Variants in RABEP2 observed in about 807,000 individuals in gnomAD.
The protein encoded by RABEP2 is rabaptin, RAB GTPase binding effector protein 2, also known as rab GTPase-binding effector protein 2.
In RABEP2, 57 loss-of-function variants were observed where a neutral mutation model predicts 74.1. The ratio of observed to expected loss-of-function variants is 0.77; its 90% CI spans 0.62 to 0.96. The LOEUF is 0.96. Ranked by LOEUF, RABEP2 falls within the 40% of genes least tolerant of loss-of-function variation. RABEP2 has a pLI of 0.00. For missense variants in RABEP2, 692 were observed against 756.3 expected (o/e 0.91, Z 1.00); for synonymous variants, 351 against 344.0 (o/e 1.02, Z -0.23).
chr16:28,925,044 G>T, intron 1 of RABEP2, 59 bp downstream of exon 1: 1 of 1,510,992 alleles, frequency 6.6e-7, no homozygotes. Context: ...GCAGGTGGCT[G>T]GCTCGGCCCC....
chr16:28,924,560 C>G lies in RABEP2; in HGVS notation c.117G>C (p.Glu39Asp), dbSNP rs373832002. ...EGANGEAESG[E>D]LSRLRAELAG... ...CCAGCTCAGCCCGAAGCCGGCTGAGCTCACCTGACTCGGCCTCACCATTTG... is the reference window on the plus strand; with the variant it reads ...CCAGCTCAGCCCGAAGCCGGCTGAGGTCACCTGACTCGGCCTCACCATTTG... The change falls in exon 2 of 13, where the codon GAG (glutamate) becomes GAC (aspartate). Residue 39 changes from glutamate to aspartate, a missense_variant. Glu to Asp is a conservative substitution (Grantham distance 45, BLOSUM62 2). Coordinates refer to ENST00000358201, the MANE Select transcript of RABEP2 (RefSeq NM_024816.3). 8.1e-6 allele frequency: 13 copies of G among 1,613,670 alleles called. 1 individual carries two copies. The East Asian group carries it at 1.1e-4, about 14-fold the overall frequency.
At chr16:28,909,014 T>TACAC (rs1964274619) in intron 7 of RABEP2, among the ~76,000 whole-genome samples, 1 of 151,166 alleles carries the variant, frequency 6.6e-6, no homozygotes, top group African/African-American at 2.4e-5. Context: ...TATATATATA[T>TACAC]ATATATATAC....
intron 2 of RABEP2, among the ~76,000 whole-genome samples, chr16:28,923,720 T>G (rs1174032779): frequency 6.6e-6 from 1 of 152,178 alleles, no homozygotes; most frequent in Admixed American, 6.6e-5. Context: ...AAGTTTACTC[T>G]GGAAGCCAAT....
At chr16:28,916,490 G>A (rs886306390) in intron 3 of RABEP2, among the ~76,000 whole-genome samples, 7 of 151,330 alleles carry the variant, frequency 4.6e-5, no homozygotes, top group South Asian at 2.1e-4. Context: ...TGGCCAACAC[G>A]GCAAAACCCT....
intron 7 of RABEP2, among the ~76,000 whole-genome samples, chr16:28,909,162 C>T (rs912264960): frequency 6.6e-6 from 1 of 151,870 alleles, no homozygotes; most frequent in African/African-American, 2.4e-5. Flanking sequence ...CTGCAACCTC[C>T]GCCTCCCGGG....
chr16:28,906,082 C>T lies in RABEP2; in HGVS notation c.1360G>A (p.Glu454Lys). 1 of 1,597,336 alleles carries T rather than the reference C, an allele frequency of 6.3e-7. No homozygotes were observed. The highest frequency in any genetic ancestry group is 8.5e-7 in the Non-Finnish European group (1 of 1,172,744). Reference protein sequence around the residue: ...IEIVTLREALEEETVARASLE... With the variant: ...IEIVTLREALKEETVARASLE... ...CTGGCCCTGGCCACTGTCTCCTCCT[C>T]CAGAGCCTCCCGCAGCGTCACGATC... Residue 454 changes from glutamate to lysine, a missense_variant, in exon 9 of 13, where the codon GAG (glutamate) becomes AAG (lysine). Physicochemically the swap from Glu to Lys is moderately conservative, Grantham distance 56. Coordinates refer to ENST00000358201, the MANE Select transcript of RABEP2 (RefSeq NM_024816.3).
In RABEP2 at chr16:28,905,025, C is replaced by T. The variant is rs527458355; in HGVS notation, c.1628G>A (p.Arg543His). Reference sequence around the variant, plus strand: ...CACTTGCTCCAGGGTCTCAGCCTGGCGGATCCGCTCTAGGCGCACCTGCCG... The same window carrying T: ...CACTTGCTCCAGGGTCTCAGCCTGGTGGATCCGCTCTAGGCGCACCTGCCG... ...QALQVRLERI[R>H]QAETLEQVRS... Residue 543 changes from arginine to histidine, a missense_variant, in exon 13 of 13, where the codon CGC becomes CAC. Arg to His is a conservative substitution (Grantham distance 29). Coordinates refer to ENST00000358201, the MANE Select transcript of RABEP2 (RefSeq NM_024816.3). The T allele has an allele frequency of 2.9e-5, 47 of 1,608,446 alleles. No individual in the cohort carries two copies. In the African/African-American group the frequency reaches 4.5e-4, roughly 16 times the overall value.
intron 2 of RABEP2, 87 bp from the exon 3 acceptor site, chr16:28,920,030 ACT>A (rs1964449631): frequency 3.4e-5 from 46 of 1,373,114 alleles, no homozygotes; most frequent in Non-Finnish European, 4.3e-5. Flanking sequence ...TGATGCACTG[ACT>A]CTTTCTGTGA....
chr16:28,905,350 AC>A (rs1462612297), intron 12 of RABEP2, 46 bp downstream of exon 12: 6 of 1,396,356 alleles, frequency 4.3e-6, no homozygotes, highest in Middle Eastern at 3.6e-4. Flanking sequence ...AGGAGAGGTC[AC>A]CCGGAGTGGA....
intron 1 of RABEP2, chr16:28,924,898 A>G (rs1964513642): frequency 1.3e-6 from 1 of 782,580 alleles, no homozygotes; most frequent in Non-Finnish European, 2.2e-6. Flanking sequence ...ACCGGGCCCC[A>G]CTTCGCACCT....
Position 28,906,047 on chromosome 16 carries a change from CCCCTCCAGGCTGG to C in RABEP2, c.1382_1394del (p.Ala461GlyfsTer3). On this transcript the variant is annotated frameshift_variant, in exon 9 of 13. Transcript: ENST00000358201. LOFTEE classifies it high-confidence loss of function. ...TCTCCTCCCGCTGCACCCTCAGCTG[CCCCTCCAGGCTGG>C]CCCTGGCCACTGTCTCCTCCTCCAG... 1 of 1,603,482 alleles carries C rather than the reference CCCCTCCAGGCTGG, an allele frequency of 6.2e-7. No homozygotes were observed. Among genetic ancestry groups the C allele is most frequent in the Non-Finnish European group, 8.5e-7 (1 of 1,175,790 alleles).
At chr16:28,924,249 A>T in intron 2 of RABEP2, 154 bp downstream of exon 2, 1 of 692,234 alleles carries the variant, frequency 1.4e-6, no homozygotes, top group Non-Finnish European at 2.4e-6. Context: ...TGCAAATTTT[A>T]AAAGGGCGGC....
intron 5 of RABEP2, among the ~76,000 whole-genome samples, chr16:28,912,981 T>C (rs2152220465): frequency 6.6e-6 from 1 of 151,590 alleles, no homozygotes; most frequent in South Asian, 2.1e-4. Context: ...TGAGACACAG[T>C]TTCTCTCTGC....
At position 28,906,074 on chromosome 16, in the gene RABEP2, C is replaced by T. The variant is rs1459758074; in HGVS notation, c.1368G>A (p.Glu456=). The T allele has an allele frequency of 1.3e-6, 2 of 1,599,092 alleles. No individual in the cohort carries two copies. The highest frequency in any genetic ancestry group is 3.5e-5 in the Admixed American group (2 of 57,712). The change falls in exon 9 of 13, where the codon GAG becomes GAA. Residue 456 remains glutamate, a synonymous_variant. Coordinates refer to ENST00000358201, the MANE Select transcript of RABEP2 (RefSeq NM_024816.3). ...IVTLREALEE[E]TVARASLEGQ... ...CCTCCAGGCTGGCCCTGGCCACTGT[C>T]TCCTCCTCCAGAGCCTCCCGCAGCG...
chr16:28,911,148 A>G lies in RABEP2; in HGVS notation c.926T>C (p.Val309Ala). The change falls in exon 6 of 13, where the codon GTC (valine) becomes GCC (alanine). Residue 309 changes from valine to alanine, a missense_variant. By Grantham distance (64) the Val-to-Ala change is moderately conservative. Transcript: ENST00000358201. Reference sequence around the variant, plus strand: ...TTGGAGCTCGTCCCGCTCGCGACTGACGCTCTCCAGGTCCTTCTGCAGCTG... The same window carrying G: ...TTGGAGCTCGTCCCGCTCGCGACTGGCGCTCTCCAGGTCCTTCTGCAGCTG... ...GRQLQKDLES[V>A]SRERDELQEG... 2 of 1,612,090 alleles carry G rather than the reference A, an allele frequency of 1.2e-6. No individual in the cohort carries two copies. The highest frequency in any genetic ancestry group is 1.7e-6 in the Non-Finnish European group (2 of 1,179,990).
At chr16:28,922,848 T>C (rs1825924419) in intron 2 of RABEP2, among the ~76,000 whole-genome samples, 1 of 151,218 alleles carries the variant, frequency 6.6e-6, no homozygotes, top group Non-Finnish European at 1.5e-5. Context: ...GAGCTGAGAC[T>C]GCACCACTGA....
intron 5 of RABEP2, among the ~76,000 whole-genome samples, chr16:28,912,114 C>T (rs1273425570): frequency 6.6e-6 from 1 of 151,678 alleles, no homozygotes; most frequent in Non-Finnish European, 1.5e-5. Flanking sequence ...GGTGTGGTGG[C>T]AGGCGCCTGT....
At chr16:28,920,115 G>C (rs144362916) in intron 2 of RABEP2, among the ~76,000 whole-genome samples, 172 bp from the exon 3 acceptor site, 3 of 152,166 alleles carry the variant, frequency 2.0e-5, no homozygotes, top group Admixed American at 6.6e-5. Flanking sequence ...GCCTCTCTGT[G>C]CATCAGTGTC....
In RABEP2 at chr16:28,905,406, C is replaced by T; in HGVS notation, c.1599G>A (p.Gln533=). Residue 533 remains glutamine (Q), a synonymous_variant, in exon 12 of 13, where the codon CAG becomes CAA. Coordinates refer to ENST00000358201, the MANE Select transcript of RABEP2 (RefSeq NM_024816.3). ...CTGGGACAGGCCATACCTGCAGGGC[C>T]TGGGACAGTCGCACGAAATCCCTCT... ...QVQRDFVRLS[Q]ALQVRLERIR... is the part of the protein sequence containing the mutation. 6.2e-7 allele frequency: 1 copy of T among 1,606,032 alleles called. No homozygotes were observed. The highest frequency in any genetic ancestry group is 8.5e-7 in the Non-Finnish European group (1 of 1,177,304).
Sources: gnomAD v4.1 joint callset for allele counts (sites outside exome capture counted in the v4.1 genomes callset) on GRCh38, gnomAD v4.1.1 for gene constraint, MANE v1.5 for transcripts, NCBI Gene and HGNC (gene_info 2026-07-23, HGNC 2026-07-21) for gene names.